GLI3: variants seen among roughly 807,000 people sequenced by gnomAD.
GLI3 encodes transcription activator GLI3.
A neutral mutation model predicts 100.8 loss-of-function variants in GLI3; 20 were observed. That is an observed-to-expected ratio of 0.20 (90% CI 0.14 to 0.29). The LOEUF (loss-of-function observed/expected upper bound fraction) is 0.29. GLI3 is among the 10% of genes least tolerant of loss of function. The pLI, the probability that GLI3 is intolerant of heterozygous loss-of-function variation, is 1.00. For synonymous variants in GLI3, 938 were observed against 860.5 expected, an observed-to-expected ratio of 1.09 and a Z score of -1.58; for missense variants, 2,040 against 2,128.5, an observed-to-expected ratio of 0.96 and a Z score of 0.82.
chr7:42,175,415 C>T (rs1249541873), intron 2 of GLI3, among the ~76,000 whole-genome samples: 2 of 152,096 alleles, frequency 1.3e-5, no homozygotes, highest in African/African-American at 2.4e-5. Context: ...GTCAGGAGTT[C>T]GAGACCAGCC....
chr7:42,133,218 ACT>A (rs1221411069), intron 3 of GLI3, among the ~76,000 whole-genome samples: 1 of 152,088 alleles, frequency 6.6e-6, no homozygotes, highest in African/African-American at 2.4e-5. Flanking sequence ...CCTTAGAACA[ACT>A]CTGTTTCTAC....
chr7:42,005,362 A>G (rs1395563829), intron 10 of GLI3, among the ~76,000 whole-genome samples: 1 of 152,012 alleles, frequency 6.6e-6, no homozygotes, highest in Non-Finnish European at 1.5e-5. Context: ...GCCATATTTT[A>G]GAACGTCAAA....
intron 6 of GLI3, among the ~76,000 whole-genome samples, chr7:42,041,748 A>T (rs1023454679): frequency 1.3e-5 from 2 of 152,242 alleles, no homozygotes; most frequent in Non-Finnish European, 2.9e-5. Context: ...ACATGCTTAG[A>T]GATCATTTAA....
intron 1 of GLI3, among the ~76,000 whole-genome samples, chr7:42,236,085 G>A (rs1355344992): frequency 2.0e-5 from 3 of 152,118 alleles, no homozygotes; most frequent in Non-Finnish European, 2.9e-5. Flanking sequence ...GGGGACAGGA[G>A]CACAAAGTTC....
chr7:42,178,254 T>A (rs117506174), intron 2 of GLI3, among the ~76,000 whole-genome samples: 2 of 152,152 alleles, frequency 1.3e-5, no homozygotes, highest in Non-Finnish European at 2.9e-5. Flanking sequence ...GCCAACAAAG[T>A]TGTGTATCAT....
At chr7:42,179,751 G>A (rs1787553812) in intron 2 of GLI3, among the ~76,000 whole-genome samples, 1 of 152,150 alleles carries the variant, frequency 6.6e-6, no homozygotes, top group African/African-American at 2.4e-5. Flanking sequence ...GAGAGGTGAG[G>A]GAGTGGGGAA....
intron 3 of GLI3, among the ~76,000 whole-genome samples, chr7:42,131,499 A>G (rs554630909): frequency 6.6e-6 from 1 of 152,364 alleles, no homozygotes; most frequent in East Asian, 1.9e-4. Flanking sequence ...ACAGAAGGTT[A>G]GGTATGATCT....
intron 10 of GLI3, among the ~76,000 whole-genome samples, chr7:41,996,287 T>G (rs139562902): frequency 0.062 from 9,465 of 152,240 alleles, 419 homozygotes; most frequent in Non-Finnish European, 0.096. Flanking sequence ...TTGGAACAAT[T>G]ATTTTTTTTT....
chr7:42,199,814 G>T (rs1232279265), intron 2 of GLI3, among the ~76,000 whole-genome samples: 1 of 152,184 alleles, frequency 6.6e-6, no homozygotes, highest in African/African-American at 2.4e-5. Flanking sequence ...CCAGCACTTT[G>T]CGAGGTCGAG....
intron 7 of GLI3, among the ~76,000 whole-genome samples, chr7:42,032,833 C>T (rs1789331165): frequency 6.6e-6 from 1 of 152,192 alleles, no homozygotes; most frequent in Non-Finnish European, 1.5e-5. Flanking sequence ...AGCCACCACA[C>T]ACTTAAAGGT....
At chr7:42,188,018 A>AAAAAAAAAAT (rs1787753974) in intron 2 of GLI3, among the ~76,000 whole-genome samples, 6 of 151,138 alleles carry the variant, frequency 4.0e-5, no homozygotes, top group Admixed American at 2.0e-4. Flanking sequence ...AAAAAAAAAA[A>AAAAAAAAAAT]TAGGCCAGCA....
chr7:42,090,215 G>A (rs1785188493), intron 3 of GLI3, among the ~76,000 whole-genome samples: 4 of 152,214 alleles, frequency 2.6e-5, no homozygotes, highest in Admixed American at 2.6e-4. Context: ...GGGTGAGTCA[G>A]TGAGTGAGTG....
intron 2 of GLI3, among the ~76,000 whole-genome samples, chr7:42,154,558 T>C (rs968316721): frequency 1.3e-5 from 2 of 152,242 alleles, no homozygotes; most frequent in African/African-American, 4.8e-5. Context: ...GTTATTTACA[T>C]GTTGATGCTC....
chr7:42,110,949 C>T (rs368971232), intron 3 of GLI3, among the ~76,000 whole-genome samples: 1 of 152,150 alleles, frequency 6.6e-6, no homozygotes, highest in East Asian at 1.9e-4. Flanking sequence ...TCCAGAACAG[C>T]ACGAGCTTTG....
Position 41,966,285 on chromosome 7 carries a change from T to C in GLI3, c.2788A>G (p.Lys930Glu). ...CCTGTGGCAGCCGCGTACTTGGCCT[T>C]GAGGCGGTACTGCTGGGCGGGCGTG... ...SLTPAQQYRLKAKYAAATGGP... is the reference protein window; with the variant it reads ...SLTPAQQYRLEAKYAAATGGP... The change falls in exon 15 of 15, where the codon AAG becomes GAG. Residue 930 changes from lysine to glutamate, a missense_variant. By Grantham distance (56) the Lys-to-Glu change is moderately conservative. Around this residue, in one of 5 missense-constraint regions of GLI3, gnomAD observed 1,041 missense variants for 924.0 expected, o/e 1.13. Transcript: ENST00000395925. The surrounding 1 kb of genome is among the most constrained non-coding windows in gnomAD (Gnocchi z 5.8). 6.2e-7 allele frequency: 1 copy of C among 1,608,210 alleles called. No individual in the cohort carries two copies. Among genetic ancestry groups the C allele is most frequent in the Non-Finnish European group, 8.5e-7 (1 of 1,179,246 alleles).
At chr7:42,206,733 A>C (rs1451501679) in intron 2 of GLI3, among the ~76,000 whole-genome samples, 1 of 152,212 alleles carries the variant, frequency 6.6e-6, no homozygotes, top group African/African-American at 2.4e-5. Context: ...ATGGTACAAC[A>C]AAAGAATAGA....
intron 4 of GLI3, among the ~76,000 whole-genome samples, chr7:42,062,326 T>C (rs928956447): frequency 2.0e-5 from 3 of 152,192 alleles, no homozygotes; most frequent in African/African-American, 7.2e-5. Flanking sequence ...TAGTGACCCA[T>C]CACTTGAGTA....
At chr7:42,144,754 A>T (rs1195388046) in intron 3 of GLI3, among the ~76,000 whole-genome samples, 1 of 152,200 alleles carries the variant, frequency 6.6e-6, no homozygotes, top group Non-Finnish European at 1.5e-5. Context: ...AAGTTCATAT[A>T]TATAGAAACA....
At chr7:42,255,129 T>G (rs1789072714) in intron 1 of GLI3, among the ~76,000 whole-genome samples, 2 of 152,052 alleles carry the variant, frequency 1.3e-5, no homozygotes, top group South Asian at 2.1e-4. Context: ...GAACGCTATT[T>G]TTTTCTTCCC....
Sources: gnomAD v4.1 joint callset for allele counts (sites outside exome capture counted in the v4.1 genomes callset) on GRCh38, gnomAD v4.1.1 for gene constraint, gnomAD v4.1.1 regional missense constraint, Gnocchi (gnomAD v3.1) non-coding constraint, MANE v1.5 for transcripts, NCBI Gene and HGNC (gene_info 2026-07-23, HGNC 2026-07-21) for gene names.